Variants in RAB35 observed in about 807,000 individuals in gnomAD.
RAB35 encodes ras-related protein Rab-35.
In RAB35, 4 loss-of-function variants were observed where a neutral mutation model predicts 28.9. The observed-to-expected ratio is 0.14, with a 90% CI of 0.07 to 0.32. RAB35 has a LOEUF of 0.32. RAB35 is among the 10% of genes least tolerant of loss of function. The pLI, the probability that RAB35 is intolerant of heterozygous loss-of-function variation, is 1.00. For missense variants in RAB35, 128 were observed against 274.0 expected, an observed-to-expected ratio of 0.47 and a Z score of 3.76; for synonymous variants, 99 against 105.1, an observed-to-expected ratio of 0.94 and a Z score of 0.35.
intron 1 of RAB35, among the ~76,000 whole-genome samples, chr12:120,113,220 G>A: frequency 6.8e-6 from 1 of 147,842 alleles, no homozygotes; most frequent in Non-Finnish European, 1.5e-5. Context: ...TAAGAGATGG[G>A]GTCTCGCTAT....
chr12:120,101,297 G>A (rs575615537), intron 3 of RAB35, among the ~76,000 whole-genome samples: 1 of 152,340 alleles, frequency 6.6e-6, no homozygotes, highest in Non-Finnish European at 1.5e-5. Flanking sequence ...CAGCAAGGAC[G>A]TGAGGCTGAG....
At chr12:120,097,547 T>C (rs1317466750) in intron 5 of RAB35, among the ~76,000 whole-genome samples, 174 bp from the exon 6 acceptor site, 1 of 152,118 alleles carries the variant, frequency 6.6e-6, no homozygotes, top group Non-Finnish European at 1.5e-5. Context: ...TATTTAAAGG[T>C]CAAAAAGGAA....
Position 120,097,000 on chromosome 12 carries a change from C to G in RAB35, c.*245G>C. 1 of 1,500,104 alleles carries G rather than the reference C, an allele frequency of 6.7e-7. No individual in the cohort carries two copies. The highest frequency in any genetic ancestry group is 8.9e-7 in the Non-Finnish European group (1 of 1,124,448). The allele number at this position is 1,500,104 out of a possible 1,614,324, so 92.9% of individuals were successfully genotyped here. A position where few individuals can be genotyped will look rare whatever the true frequency, so the allele number is the denominator to read the frequency against. On this transcript the variant is annotated 3_prime_UTR_variant, in exon 6 of 6. Transcript: ENST00000229340. ...CAGTCCGCTCGGCGGGCAGCGTCCT[C>G]GCCAGGTCCAGGCGCCTTGGCCGGG...
Position 120,114,610 on chromosome 12 carries a change from A to G in RAB35, c.52+1989T>C, listed in dbSNP as rs75115554. On this transcript the variant is annotated intron_variant, in intron 1 of 5. Coordinates refer to ENST00000229340, the MANE Select transcript of RAB35 (RefSeq NM_006861.7). ...AGGATCTCAATGTCGGGAGAAATCA[A>G]AGAGCACAGCATCCATCTCCTCTGC... 5.9e-3 allele frequency among the ~76,000 whole-genome samples: 901 copies of G among 152,312 alleles called. 9 individuals are homozygous for G. The highest frequency in any genetic ancestry group is 0.02 in the African/African-American group (823 of 41,580).
intron 5 of RAB35, among the ~76,000 whole-genome samples, chr12:120,098,485 A>C (rs1875525885): frequency 6.6e-6 from 1 of 152,266 alleles, no homozygotes; most frequent in African/African-American, 2.4e-5. Flanking sequence ...CCAATGAGGC[A>C]GAGGACTGGA....
At chr12:120,109,404 G>GATCA (rs1876022105) in intron 1 of RAB35, among the ~76,000 whole-genome samples, 1 of 151,960 alleles carries the variant, frequency 6.6e-6, no homozygotes, top group Admixed American at 6.6e-5. Context: ...AGTGAGCTGA[G>GATCA]ATCATGCCAC....
chr12:120,114,003 G>A (rs895661873), intron 1 of RAB35, among the ~76,000 whole-genome samples: 2 of 152,176 alleles, frequency 1.3e-5, no homozygotes, highest in African/African-American at 2.4e-5. Context: ...TGAGCTGCTC[G>A]CACACGTATT....
chr12:120,115,324 C>A (rs926715999), intron 1 of RAB35, among the ~76,000 whole-genome samples: 1 of 152,188 alleles, frequency 6.6e-6, no homozygotes, highest in Non-Finnish European at 1.5e-5. Context: ...CAAGTCATAC[C>A]GCTCACTTGA....
intron 2 of RAB35, among the ~76,000 whole-genome samples, chr12:120,106,258 T>C (rs1316058993): frequency 6.6e-6 from 1 of 152,198 alleles, no homozygotes; most frequent in Non-Finnish European, 1.5e-5. Context: ...TTAGAGGCTG[T>C]TAATCAGCTA....
intron 2 of RAB35, among the ~76,000 whole-genome samples, chr12:120,104,153 G>A (rs929709550): frequency 2.0e-5 from 3 of 152,150 alleles, no homozygotes; most frequent in African/African-American, 7.2e-5. Flanking sequence ...GAGACAGGAT[G>A]CAAGCAAACA....
In RAB35 at chr12:120,099,934, G is replaced by A. The variant is rs10161266; in HGVS notation, c.228-780C>T. ...GAGCTGTCGAAGAGCCGGAGGCCAG[G>A]CGGCAGCCCCGCCCCACACTGTGCA... On this transcript the variant is annotated intron_variant, in intron 3 of 5. Coordinates refer to ENST00000229340, the MANE Select transcript of RAB35 (RefSeq NM_006861.7). 5.6e-3 allele frequency among the ~76,000 whole-genome samples: 846 copies of A among 152,308 alleles called. 12 individuals are homozygous for A. Among genetic ancestry groups the A allele is most frequent in the African/African-American group, 0.019 (810 of 41,560 alleles).
intron 3 of RAB35, among the ~76,000 whole-genome samples, chr12:120,102,010 CCT>C (rs1187007537): frequency 6.6e-6 from 1 of 152,184 alleles, no homozygotes; most frequent in Non-Finnish European, 1.5e-5. Context: ...TGGCCACGGG[CCT>C]CTGAACCTCT....
intron 2 of RAB35, among the ~76,000 whole-genome samples, chr12:120,105,607 G>A (rs1004563073): frequency 2.0e-5 from 3 of 152,186 alleles, no homozygotes; most frequent in East Asian, 3.9e-4. Context: ...CCTTCGACAC[G>A]CAGGATAGCC....
intron 5 of RAB35, 38 bp downstream of exon 5, chr12:120,098,773 C>T (rs371306434): frequency 2.5e-6 from 4 of 1,612,204 alleles, no homozygotes; most frequent in East Asian, 2.2e-5. Context: ...AAGGCGGCCA[C>T]GGGTGTGTGG....
At chr12:120,098,174 G>A (rs1391892514) in intron 5 of RAB35, among the ~76,000 whole-genome samples, 3 of 152,206 alleles carry the variant, frequency 2.0e-5, no homozygotes, top group East Asian at 1.9e-4. Context: ...GTGAGCCGGC[G>A]CGCCCGGCCC....
At chr12:120,114,716 C>T (rs892477085) in intron 1 of RAB35, among the ~76,000 whole-genome samples, 3 of 152,218 alleles carry the variant, frequency 2.0e-5, no homozygotes, top group South Asian at 2.1e-4. Context: ...CACCTGACTT[C>T]GGAGAGAAAA....
intron 3 of RAB35, among the ~76,000 whole-genome samples, chr12:120,101,624 C>A (rs1282903276): frequency 6.6e-6 from 1 of 152,258 alleles, no homozygotes; most frequent in East Asian, 1.9e-4. Context: ...CAGTGACCAT[C>A]AAAGGGCGTC....
intron 3 of RAB35, among the ~76,000 whole-genome samples, chr12:120,099,694 C>T (rs1875581696): frequency 6.6e-6 from 1 of 152,150 alleles, no homozygotes; most frequent in Admixed American, 6.5e-5. Flanking sequence ...GCAGGAAAAG[C>T]ATGGAAGCCA....
intron 1 of RAB35, among the ~76,000 whole-genome samples, chr12:120,112,181 T>C (rs1043054423): frequency 6.6e-6 from 1 of 152,148 alleles, no homozygotes; most frequent in African/African-American, 2.4e-5. Flanking sequence ...TTTCACCACA[T>C]TGGCCAAGCT....
Sources: allele counts gnomAD v4.1 joint callset (sites outside exome capture counted in the v4.1 genomes callset), GRCh38; gene constraint gnomAD v4.1.1; transcripts MANE v1.5; gene names NCBI Gene and HGNC (gene_info 2026-07-23, HGNC 2026-07-21).